The following MYRIP variants were observed in gnomAD, a reference collection of about 807,000 sequenced individuals.
MYRIP encodes the protein rab effector MyRIP.
In MYRIP, 49 loss-of-function variants were observed where a neutral mutation model predicts 98.0. The ratio of observed to expected loss-of-function variants is 0.50; its 90% CI spans 0.40 to 0.63. The LOEUF is 0.63. MYRIP is among the 30% of genes least tolerant of loss of function. The probability of loss-of-function intolerance (pLI) is 0.00; values close to 1 mark genes in which losing one functional copy is unlikely to be tolerated. For synonymous variants in MYRIP, 404 were observed against 409.5 expected, an observed-to-expected ratio of 0.99 and a Z score of 0.16; for missense variants, 1,004 against 1,058.2, an observed-to-expected ratio of 0.95 and a Z score of 0.71.
Position 40,044,146 on chromosome 3 carries a change from G to A in MYRIP, c.207G>A (p.Ser69=), listed in dbSNP as rs763254221. ...FVEHCCMRCC[S]PFTFLVNTKR... ...AGCACTGCTGCATGCGCTGCTGCTC[G>A]CCCTTCACCTTCCTCGTCAACACCA... The change falls in exon 3 of 17, where the codon TCG becomes TCA. Residue 69 remains serine (S), a synonymous_variant. Transcript: ENST00000302541. The A allele has an allele frequency of 3.3e-5, 54 of 1,614,002 alleles. No homozygotes were observed. Among genetic ancestry groups the A allele is most frequent in the Admixed American group, 2.2e-4 (13 of 59,996 alleles).
intron 3 of MYRIP, among the ~76,000 whole-genome samples, chr3:40,128,415 C>T (rs928043189): frequency 1.1e-4 from 17 of 152,186 alleles, no homozygotes; most frequent in African/African-American, 3.6e-4. Flanking sequence ...GGCAGGAAAA[C>T]CACAACCACT....
intron 3 of MYRIP, among the ~76,000 whole-genome samples, chr3:40,150,837 A>T (rs1950104379): frequency 6.6e-6 from 1 of 152,200 alleles, no homozygotes. Flanking sequence ...TGGGATTCCC[A>T]AGAGCAGCAA....
chr3:39,832,886 A>T (rs9828117), intron 1 of MYRIP, among the ~76,000 whole-genome samples: 58 of 152,078 alleles, frequency 3.8e-4, no homozygotes, highest in African/African-American at 1.3e-3. Flanking sequence ...TTTCTGGGAA[A>T]CTACCCTAAG....
intron 2 of MYRIP, among the ~76,000 whole-genome samples, chr3:39,939,520 A>G (rs1344397492): frequency 6.6e-6 from 1 of 152,156 alleles, no homozygotes; most frequent in Non-Finnish European, 1.5e-5. Flanking sequence ...GTTAGAAAGA[A>G]AAAACAAAGG....
chr3:39,816,509 C>T (rs1940922060), intron 1 of MYRIP, among the ~76,000 whole-genome samples: 1 of 152,144 alleles, frequency 6.6e-6, no homozygotes, highest in African/African-American at 2.4e-5. Context: ...GAAGAGTTTA[C>T]AAAGGCTAAT....
At chr3:39,858,988 G>C (rs1942384317) in intron 1 of MYRIP, among the ~76,000 whole-genome samples, 1 of 149,546 alleles carries the variant, frequency 6.7e-6, no homozygotes, top group African/African-American at 2.5e-5. Flanking sequence ...ACTACAGAAA[G>C]AATAATAAGC....
chr3:39,963,393 T>TCATC (rs1411814814), intron 2 of MYRIP, among the ~76,000 whole-genome samples: 2 of 152,180 alleles, frequency 1.3e-5, no homozygotes, highest in South Asian at 2.1e-4. Context: ...CTCTTTTTTC[T>TCATC]CATCCATCCA....
intron 2 of MYRIP, among the ~76,000 whole-genome samples, chr3:40,035,533 G>A (rs867627803): frequency 2.0e-5 from 3 of 151,860 alleles, no homozygotes; most frequent in Admixed American, 6.6e-5. Flanking sequence ...ACCAATAGAC[G>A]GATTTGTGCC....
chr3:39,836,273 A>G, intron 1 of MYRIP, among the ~76,000 whole-genome samples: 1 of 152,098 alleles, frequency 6.6e-6, no homozygotes, highest in East Asian at 1.9e-4. Context: ...TGACTTTTTA[A>G]TGATTGACAA....
intron 10 of MYRIP, among the ~76,000 whole-genome samples, chr3:40,196,165 T>A (rs765354278): frequency 6.6e-6 from 1 of 152,060 alleles, no homozygotes; most frequent in Non-Finnish European, 1.5e-5. Context: ...TCTTTTTTTT[T>A]ACTGGTGTCT....
At chr3:40,185,578 G>A (rs1313348248) in intron 9 of MYRIP, among the ~76,000 whole-genome samples, 2 of 152,146 alleles carry the variant, frequency 1.3e-5, no homozygotes, top group Non-Finnish European at 2.9e-5. Flanking sequence ...TCACATGTCT[G>A]GGTATTCAGG....
chr3:40,136,101 G>A (rs1284710799), intron 3 of MYRIP, among the ~76,000 whole-genome samples: 11 of 152,168 alleles, frequency 7.2e-5, no homozygotes, highest in Non-Finnish European at 1.3e-4. Flanking sequence ...ATTGGATAAA[G>A]AGTCAAGACC....
chr3:40,225,032 T>TA (rs1952448695), intron 11 of MYRIP, among the ~76,000 whole-genome samples: 1 of 152,216 alleles, frequency 6.6e-6, no homozygotes, highest in Non-Finnish European at 1.5e-5. Flanking sequence ...TAGAAGGACA[T>TA]ATGGAGTTTC....
At chr3:39,876,209 T>A (rs1017294238) in intron 1 of MYRIP, among the ~76,000 whole-genome samples, 1 of 152,288 alleles carries the variant, frequency 6.6e-6, no homozygotes, top group Non-Finnish European at 1.5e-5. Flanking sequence ...TCTTCTTCCA[T>A]CGTTTTATTT....
intron 9 of MYRIP, among the ~76,000 whole-genome samples, chr3:40,189,304 A>C (rs1187019249): frequency 6.6e-6 from 1 of 152,156 alleles, no homozygotes; most frequent in Non-Finnish European, 1.5e-5. Context: ...AAATAGACCT[A>C]TGTGCCTATC....
At chr3:40,209,697 T>C (rs1402534441) in intron 10 of MYRIP, among the ~76,000 whole-genome samples, 157 bp from the exon 11 acceptor site, 4 of 152,094 alleles carry the variant, frequency 2.6e-5, no homozygotes, top group Non-Finnish European at 4.4e-5. Context: ...AAGGTAAAAC[T>C]AAAAGTCCAT....
At chr3:39,813,740 G>A (rs1271216252) in intron 1 of MYRIP, among the ~76,000 whole-genome samples, 2 of 152,192 alleles carry the variant, frequency 1.3e-5, no homozygotes, top group African/African-American at 4.8e-5. Context: ...TGGAATTGCT[G>A]AAAATAGAAA....
intron 1 of MYRIP, among the ~76,000 whole-genome samples, chr3:39,815,120 A>G (rs568328286): frequency 1.3e-5 from 2 of 152,176 alleles, no homozygotes; most frequent in Non-Finnish European, 2.9e-5. Context: ...AATATTTTTG[A>G]ACCCTGCAAA....
At chr3:39,887,936 A>C (rs1180508825) in intron 1 of MYRIP, among the ~76,000 whole-genome samples, 1 of 151,648 alleles carries the variant, frequency 6.6e-6, no homozygotes, top group Non-Finnish European at 1.5e-5. Flanking sequence ...CAATTGCTTC[A>C]AAGAGAATAA....
Sources: allele counts gnomAD v4.1 joint callset (sites outside exome capture counted in the v4.1 genomes callset), GRCh38; gene constraint gnomAD v4.1.1; transcripts MANE v1.5; gene names NCBI Gene and HGNC (gene_info 2026-07-23, HGNC 2026-07-21).